RYR3: variants seen among roughly 807,000 people sequenced by gnomAD.
RYR3 encodes the protein ryanodine receptor 3, also known as brain ryanodine receptor-calcium release channel.
In RYR3, 207 loss-of-function variants were observed where a neutral mutation model predicts 584.3. The observed-to-expected ratio is 0.35, with a 90% CI of 0.32 to 0.40. The LOEUF is 0.40. Ranked by LOEUF, RYR3 falls within the 10% of genes least tolerant of loss-of-function variation. The probability of loss-of-function intolerance (pLI) is 1.00; values close to 1 mark genes in which losing one functional copy is unlikely to be tolerated. For synonymous variants in RYR3, 2,416 were observed against 2,248.5 expected (o/e 1.07, Z -2.11); for missense variants, 5,616 against 6,089.2 (o/e 0.92, Z 2.59).
At chr15:33,660,965 C>G (rs762166857) in intron 34 of RYR3, among the ~76,000 whole-genome samples, 7 of 152,198 alleles carry the variant, frequency 4.6e-5, no homozygotes, top group Non-Finnish European at 7.3e-5. Context: ...TAAGTATAAT[C>G]TGGTACAGTT....
At chr15:33,777,486 C>G (rs974328805) in intron 64 of RYR3, among the ~76,000 whole-genome samples, 2 of 150,472 alleles carry the variant, frequency 1.3e-5, no homozygotes, top group African/African-American at 4.9e-5. Context: ...TTTTTTTTTT[C>G]CCCTGGGTTT....
chr15:33,717,575 C>A (rs1308391969), intron 43 of RYR3, among the ~76,000 whole-genome samples: 3 of 152,192 alleles, frequency 2.0e-5, no homozygotes, highest in Non-Finnish European at 4.4e-5. Flanking sequence ...TATACCTGGG[C>A]CACTCTAAGT....
At chr15:33,392,911 A>G (rs2042089713) in intron 1 of RYR3, among the ~76,000 whole-genome samples, 1 of 152,256 alleles carries the variant, frequency 6.6e-6, no homozygotes, top group Admixed American at 6.5e-5. Flanking sequence ...ATTATTGTTC[A>G]AGTATGTTTT....
chr15:33,784,585 C>T (rs1254660093), intron 65 of RYR3, among the ~76,000 whole-genome samples: 3 of 152,352 alleles, frequency 2.0e-5, no homozygotes, highest in South Asian at 2.1e-4. Context: ...GACTGCCTAG[C>T]TCCTTCAGTG....
chr15:33,853,256 C>T (rs1306745218), intron 95 of RYR3, among the ~76,000 whole-genome samples, 169 bp downstream of exon 95: 6 of 152,148 alleles, frequency 3.9e-5, no homozygotes, highest in African/African-American at 1.2e-4. Flanking sequence ...AGGTTTTTGG[C>T]TTCATTCATA....
chr15:33,838,028 C>G lies in RYR3; in HGVS notation c.12048C>G (p.Asp4016Glu), dbSNP rs779781251. 6.2e-7 allele frequency: 1 copy of G among 1,613,816 alleles called. No individual in the cohort carries two copies. The highest frequency in any genetic ancestry group is 8.5e-7 in the Non-Finnish European group (1 of 1,179,898). ...PNDSRLKCLL[D>E]PAESVLNYFE... ...ATTCCCGCCTGAAGTGTCTGTTGGACCCAGCAGAAAGTGTGCTAAATTACT... is the reference window on the plus strand; with the variant it reads ...ATTCCCGCCTGAAGTGTCTGTTGGAGCCAGCAGAAAGTGTGCTAAATTACT... The change falls in exon 89 of 104, where the codon GAC (aspartate) becomes GAG (glutamate). Residue 4016 changes from aspartate (D) to glutamate (E), a missense_variant. Asp to Glu is a conservative substitution (Grantham distance 45, BLOSUM62 2). Coordinates refer to ENST00000634891, the MANE Select transcript of RYR3 (RefSeq NM_001036.6).
chr15:33,608,158 G>C (rs184137784), intron 18 of RYR3, among the ~76,000 whole-genome samples: 1 of 152,312 alleles, frequency 6.6e-6, no homozygotes, highest in East Asian at 1.9e-4. Flanking sequence ...TAGCATCCCT[G>C]TGGGTACCAC....
At chr15:33,354,030 G>A (rs561216394) in intron 1 of RYR3, among the ~76,000 whole-genome samples, 1 of 152,322 alleles carries the variant, frequency 6.6e-6, no homozygotes, top group East Asian at 1.9e-4. Flanking sequence ...AGCTTGACAT[G>A]ACCTCTTAGG....
At position 33,662,265 on chromosome 15, in the gene RYR3, G is replaced by T. The variant is rs202160360; in HGVS notation, c.4735G>T (p.Ala1579Ser). ...CCTGGGAAACAGCCGCGTGGCCTAC[G>T]CCCTGTGCAGCCACGTGGACCTCTC... ...CALGNSRVAY[A>S]LCSHVDLSQL... The change falls in exon 35 of 104, where the codon GCC becomes TCC. Residue 1579 changes from alanine (A) to serine (S), a missense_variant. Ala to Ser is a moderately conservative substitution (Grantham distance 99). Transcript: ENST00000634891. The T allele has an allele frequency of 6.2e-7, 1 of 1,610,376 alleles. No homozygotes were observed.
intron 1 of RYR3, among the ~76,000 whole-genome samples, chr15:33,382,319 C>CCTTTTTTTTTTT (rs2041247385): frequency 9.5e-6 from 1 of 104,780 alleles, no homozygotes; most frequent in African/African-American, 4.1e-5. Flanking sequence ...TTAAAAGTGG[C>CCTTTTTTTTTTT]TTTTTTTTTT....
chr15:33,846,656 C>T (rs2078742216), intron 93 of RYR3, among the ~76,000 whole-genome samples: 3 of 152,184 alleles, frequency 2.0e-5, no homozygotes, highest in Admixed American at 2.0e-4. Flanking sequence ...TACTGTGCTG[C>T]AGAGACCTTA....
intron 12 of RYR3, among the ~76,000 whole-genome samples, chr15:33,572,773 G>A (rs899833203): frequency 5.9e-5 from 9 of 151,972 alleles, no homozygotes; most frequent in Admixed American, 1.3e-4. Flanking sequence ...TCGGGGGTTC[G>A]AGACCAGCCT....
intron 1 of RYR3, among the ~76,000 whole-genome samples, chr15:33,435,443 G>T (rs1450204516): frequency 2.6e-5 from 4 of 152,150 alleles, no homozygotes; most frequent in African/African-American, 9.7e-5. Flanking sequence ...TCAGTGTATA[G>T]TTTGGGGCTC....
chr15:33,345,297 G>T (rs1301660345), intron 1 of RYR3, among the ~76,000 whole-genome samples: 1 of 152,016 alleles, frequency 6.6e-6, no homozygotes, highest in Admixed American at 6.5e-5. Flanking sequence ...GCATTACAAA[G>T]GACTATATAA....
At chr15:33,349,440 T>A (rs1469451408) in intron 1 of RYR3, among the ~76,000 whole-genome samples, 2 of 152,190 alleles carry the variant, frequency 1.3e-5, no homozygotes, top group African/African-American at 4.8e-5. Context: ...TACCAGCATT[T>A]AATATGTCAG....
At chr15:33,597,813 T>G (rs1478974665) in intron 16 of RYR3, among the ~76,000 whole-genome samples, 1 of 139,690 alleles carries the variant, frequency 7.2e-6, no homozygotes. Flanking sequence ...TTGTTAGTAG[T>G]AAAACATTCT....
intron 64 of RYR3, among the ~76,000 whole-genome samples, chr15:33,778,710 C>G (rs1382466721): frequency 6.6e-6 from 1 of 152,230 alleles, no homozygotes; most frequent in Admixed American, 6.5e-5. Flanking sequence ...ACACAGGGCA[C>G]AATAGGACTG....
At chr15:33,859,432 C>T (rs907959008) in intron 99 of RYR3, 143 bp from the exon 100 acceptor site, 16 of 763,554 alleles carry the variant, frequency 2.1e-5, no homozygotes, top group Middle Eastern at 2.4e-4. Context: ...CAGCTAGCAG[C>T]ATGAATACTG....
chr15:33,815,865 T>C (rs1236340043), intron 74 of RYR3: 2 of 398,492 alleles, frequency 5.0e-6, no homozygotes. Flanking sequence ...CCTGAGCACC[T>C]TTCAACAAGT....
Sources: gnomAD v4.1 joint callset for allele counts (sites outside exome capture counted in the v4.1 genomes callset) on GRCh38, gnomAD v4.1.1 for gene constraint, MANE v1.5 for transcripts, NCBI Gene and HGNC (gene_info 2026-07-23, HGNC 2026-07-21) for gene names.